The following PDE8A variants were observed in gnomAD, a reference collection of about 807,000 sequenced individuals.
PDE8A encodes phosphodiesterase 8A, also known as high affinity cAMP-specific and IBMX-insensitive 3',5'-cyclic phosphodiesterase 8A.
In PDE8A, 59 loss-of-function variants were observed where a neutral mutation model predicts 105.0. The ratio of observed to expected loss-of-function variants is 0.56; its 90% CI spans 0.46 to 0.70. The LOEUF (loss-of-function observed/expected upper bound fraction) is 0.70, where lower values mean the gene tolerates loss of function less well. Ranked by LOEUF, PDE8A falls within the 30% of genes least tolerant of loss-of-function variation. PDE8A has a pLI of 0.00. For synonymous variants in PDE8A, 355 were observed against 371.9 expected (o/e 0.95, Z 0.52); for missense variants, 1,014 against 1,045.9 (o/e 0.97, Z 0.42).
At chr15:85,102,795 C>T (rs565682092) in intron 11 of PDE8A, among the ~76,000 whole-genome samples, 12 of 149,244 alleles carry the variant, frequency 8.0e-5, no homozygotes, top group East Asian at 3.9e-4. Flanking sequence ...GCCGAGATCG[C>T]GCCATTGTAC....
chr15:85,049,289 C>T (rs2080935671), intron 1 of PDE8A, among the ~76,000 whole-genome samples: 1 of 152,098 alleles, frequency 6.6e-6, no homozygotes, highest in Admixed American at 6.5e-5. Context: ...CCATCTATCT[C>T]CAGAACTCTT....
At chr15:85,039,022 G>A (rs891830886) in intron 1 of PDE8A, among the ~76,000 whole-genome samples, 1 of 152,052 alleles carries the variant, frequency 6.6e-6, no homozygotes, top group Admixed American at 6.5e-5. Flanking sequence ...TTGGGAGGCT[G>A]AGGCAGGAGA....
intron 16 of PDE8A, among the ~76,000 whole-genome samples, chr15:85,117,328 C>T (rs1316852851): frequency 6.6e-6 from 1 of 152,194 alleles, no homozygotes; most frequent in Non-Finnish European, 1.5e-5. Context: ...GAGGAACCCA[C>T]TAGTGCAAGT....
chr15:85,130,446 C>G (rs1230015753), intron 20 of PDE8A, among the ~76,000 whole-genome samples: 1 of 152,044 alleles, frequency 6.6e-6, no homozygotes, highest in East Asian at 1.9e-4. Flanking sequence ...TTTGTATGAC[C>G]TTACCTTTTA....
At chr15:85,012,549 G>C (rs1335158991) in intron 1 of PDE8A, among the ~76,000 whole-genome samples, 1 of 146,460 alleles carries the variant, frequency 6.8e-6, no homozygotes, top group Non-Finnish European at 1.5e-5. Context: ...GGGCTGTTGT[G>C]GGTTGGGGGG....
At chr15:85,082,380 A>G (rs1338645555) in intron 5 of PDE8A, among the ~76,000 whole-genome samples, 2 of 148,584 alleles carry the variant, frequency 1.3e-5, no homozygotes, top group Non-Finnish European at 3.0e-5. Flanking sequence ...GCTTTCTCCC[A>G]TCATGTCTTT....
intron 3 of PDE8A, among the ~76,000 whole-genome samples, chr15:85,072,878 C>A (rs1036485222): frequency 2.0e-5 from 3 of 152,142 alleles, no homozygotes; most frequent in African/African-American, 7.2e-5. Flanking sequence ...TTTGGGAGGC[C>A]AAGGCAGGCA....
chr15:85,092,993 T>C (rs1161389504), intron 8 of PDE8A, among the ~76,000 whole-genome samples: 1 of 151,744 alleles, frequency 6.6e-6, no homozygotes, highest in Non-Finnish European at 1.5e-5. Context: ...GCAACAGCCT[T>C]GACCTCCTGG....
chr15:85,129,563 C>T (rs1170625583), intron 20 of PDE8A, among the ~76,000 whole-genome samples: 1 of 152,084 alleles, frequency 6.6e-6, no homozygotes, highest in Non-Finnish European at 1.5e-5. Flanking sequence ...GAGTAATGTT[C>T]CCACTTTCAT....
At chr15:84,998,798 G>A (rs868852386) in intron 1 of PDE8A, among the ~76,000 whole-genome samples, 7 of 152,258 alleles carry the variant, frequency 4.6e-5, no homozygotes, top group Middle Eastern at 3.4e-3. Flanking sequence ...GTGAATTATA[G>A]TAAAGGCTTT....
Position 85,101,195 on chromosome 15 carries a change from G to T in PDE8A, c.1036+997G>T, listed in dbSNP as rs549518719. ...CAGAGCTAGCACCTGAATCCAGGAG[G>T]ACTGACACTAGGGCTCTGAAGCACA... is the stretch of plus-strand genomic sequence containing the variant. On this transcript the variant is annotated intron_variant, in intron 11 of 21. Transcript: ENST00000394553. Among the ~76,000 whole-genome samples, 47 of 152,324 alleles carry T rather than the reference G, an allele frequency of 3.1e-4. 1 individual carries two copies. In the South Asian group the frequency reaches 9.3e-3, roughly 30 times the overall value.
At chr15:84,994,486 T>A (rs2079942533) in intron 1 of PDE8A, among the ~76,000 whole-genome samples, 1 of 152,238 alleles carries the variant, frequency 6.6e-6, no homozygotes, top group Non-Finnish European at 1.5e-5. Context: ...TACTGTTTTT[T>A]AGTATTTTTA....
At chr15:85,078,059 G>C (rs1176975303) in intron 5 of PDE8A, among the ~76,000 whole-genome samples, 2 of 148,616 alleles carry the variant, frequency 1.3e-5, no homozygotes, top group East Asian at 4.0e-4. Context: ...TTCCAGAACT[G>C]ATGAAAAACT....
At chr15:85,135,264 C>T (rs191352220) in intron 20 of PDE8A, among the ~76,000 whole-genome samples, 2 of 152,128 alleles carry the variant, frequency 1.3e-5, no homozygotes, top group East Asian at 1.9e-4. Context: ...AACAGTGGGA[C>T]GAGACTTCAG....
intron 1 of PDE8A, among the ~76,000 whole-genome samples, chr15:85,019,914 C>T (rs289412): frequency 0.46 from 64,308 of 138,964 alleles, 15,496 homozygotes; most frequent in East Asian, 0.58. Flanking sequence ...TCTTGGGTCT[C>T]TGGAGAACTT....
chr15:85,128,171 C>T (rs1361651253), intron 20 of PDE8A, among the ~76,000 whole-genome samples: 2 of 151,938 alleles, frequency 1.3e-5, no homozygotes, highest in African/African-American at 4.8e-5. Context: ...CCAGAATATC[C>T]TCAATGACTT....
chr15:85,061,290 A>G (rs553388808), intron 1 of PDE8A, among the ~76,000 whole-genome samples: 9 of 151,736 alleles, frequency 5.9e-5, no homozygotes, highest in East Asian at 3.9e-4. Flanking sequence ...CTGGAGTGCA[A>G]TGGTGCAGTC....
chr15:85,115,405 C>T (rs374358761), intron 14 of PDE8A, 34 bp from the exon 15 acceptor site: 2 of 1,446,008 alleles, frequency 1.4e-6, no homozygotes, highest in South Asian at 2.5e-5. Flanking sequence ...ATAGTTGTGA[C>T]TTTTCTTTTT....
rs67726933 is a variant in PDE8A, at chr15:85,092,887, CA to C, written c.852+1707del. On this transcript the variant is annotated intron_variant, in intron 8 of 21. Transcript: ENST00000394553. ...CTTATTGTGAGCAAGGAATAGGAAA[CA>C]TCATCAAATTATTGACCCCTATACT... 1.8e-3 allele frequency among the ~76,000 whole-genome samples: 279 copies of C among 151,282 alleles called. 3 individuals carry two copies. The highest frequency in any genetic ancestry group is 6.6e-3 in the African/African-American group (273 of 41,190).
Sources: gnomAD v4.1 joint callset for allele counts (sites outside exome capture counted in the v4.1 genomes callset) on GRCh38, gnomAD v4.1.1 for gene constraint, MANE v1.5 for transcripts, NCBI Gene and HGNC (gene_info 2026-07-23, HGNC 2026-07-21) for gene names.